Variants in RIMKLB observed in about 807,000 individuals in gnomAD.
The protein encoded by RIMKLB is beta-citrylglutamate synthase B.
Under a neutral mutation model 32.0 loss-of-function variants are expected in RIMKLB, and 7 were observed. The observed-to-expected ratio is 0.22, with a 90% CI of 0.12 to 0.41. RIMKLB has a LOEUF of 0.41. Among genes scored for constraint, RIMKLB ranks in the 10% least tolerant of loss-of-function variants. RIMKLB has a pLI of 1.00. For synonymous variants in RIMKLB, 172 were observed against 185.1 expected (o/e 0.93, Z 0.57); for missense variants, 289 against 498.7 (o/e 0.58, Z 4.00).
At chr12:8,709,679 T>C (rs1443482390) in intron 1 of RIMKLB, among the ~76,000 whole-genome samples, 1 of 151,198 alleles carries the variant, frequency 6.6e-6, no homozygotes, top group Non-Finnish European at 1.5e-5. Flanking sequence ...GGTTTCACTT[T>C]CCCTGGTTTC....
intron 1 of RIMKLB, among the ~76,000 whole-genome samples, chr12:8,711,988 A>G (rs1213768395): frequency 6.6e-6 from 1 of 152,194 alleles, no homozygotes; most frequent in Non-Finnish European, 1.5e-5. Flanking sequence ...TACCTTTCCC[A>G]TACTGTGGTT....
intron 5 of RIMKLB, among the ~76,000 whole-genome samples, chr12:8,767,374 C>T (rs760952167): frequency 6.6e-6 from 1 of 151,864 alleles, no homozygotes; most frequent in Admixed American, 6.5e-5. Flanking sequence ...GGACAAGACT[C>T]TCTGGCTTCG....
At chr12:8,699,577 C>T (rs1271234717) in intron 1 of RIMKLB, among the ~76,000 whole-genome samples, 1 of 152,036 alleles carries the variant, frequency 6.6e-6, no homozygotes, top group Non-Finnish European at 1.5e-5. Flanking sequence ...CCAATGGTTA[C>T]TGTTTTATTT....
chr12:8,754,415 T>TG (rs1485482334), intron 5 of RIMKLB, among the ~76,000 whole-genome samples: 1 of 152,236 alleles, frequency 6.6e-6, no homozygotes, highest in Non-Finnish European at 1.5e-5. Context: ...TGTATATAAT[T>TG]GGAGTTCCTA....
At chr12:8,669,330 C>A in the RIMKLB span, among the ~76,000 whole-genome samples, 27 of 152,236 alleles carry the variant, frequency 1.8e-4, 1 homozygote, top group East Asian at 4.8e-3. Context: ...AGGGATCTCA[C>A]CCCATGATCC....
the RIMKLB span, among the ~76,000 whole-genome samples, chr12:8,672,578 T>C: frequency 6.6e-6 from 1 of 151,882 alleles, no homozygotes; most frequent in Non-Finnish European, 1.5e-5. Context: ...ACTTAATCAC[T>C]ACCACGAGAA....
intron 5 of RIMKLB, among the ~76,000 whole-genome samples, chr12:8,766,147 A>G (rs752401283): frequency 6.6e-5 from 10 of 152,104 alleles, no homozygotes; most frequent in Non-Finnish European, 1.5e-4. Context: ...CAGCACCCCA[A>G]ATCATTTTCT....
intron 5 of RIMKLB, among the ~76,000 whole-genome samples, chr12:8,772,130 C>G (rs1236101568): frequency 6.6e-6 from 1 of 152,180 alleles, no homozygotes; most frequent in Non-Finnish European, 1.5e-5. Context: ...CTCAAGTGAT[C>G]CACCTCAGCC....
At chr12:8,695,542 T>C (rs1942861254), upstream of RIMKLB, among the ~76,000 whole-genome samples, 2 of 151,166 alleles carry the variant, frequency 1.3e-5, 1 homozygote, top group South Asian at 4.2e-4. Context: ...ATGATAATGG[T>C]AATGTGTTTA....
chr12:8,777,679 G>A (rs1205190336), downstream of RIMKLB: 2 of 1,288,688 alleles, frequency 1.6e-6, no homozygotes, highest in Non-Finnish European at 2.0e-6. Context: ...GATGATGAGT[G>A]AGAAGTATTG....
In RIMKLB at chr12:8,776,684, T is replaced by C. The variant is rs1950745407; in HGVS notation, c.*2900T>C. On this transcript the variant is annotated 3_prime_UTR_variant, in exon 6 of 6. Coordinates refer to ENST00000535829, the MANE Select transcript of RIMKLB (RefSeq NM_001297776.2). Reference sequence around the variant, plus strand: ...AAAATTTTTAATAGTTTTTTTCTTTTTTGGTGCCTATAATTGATTGGTCAT... The same window carrying C: ...AAAATTTTTAATAGTTTTTTTCTTTCTTGGTGCCTATAATTGATTGGTCAT... 9.1e-6 allele frequency: 9 copies of C among 984,230 alleles called. No homozygotes were observed. Among genetic ancestry groups the C allele is most frequent in the Non-Finnish European group, 9.7e-6 (8 of 828,968 alleles). 61.0% of individuals were successfully genotyped at this position (984,230 alleles called of 1,614,324 possible).
chr12:8,692,312 G>A (rs1942755922), upstream of RIMKLB, among the ~76,000 whole-genome samples: 1 of 152,150 alleles, frequency 6.6e-6, no homozygotes. Flanking sequence ...TTTTACAAAT[G>A]GTTATTTTGG....
chr12:8,754,957 T>C (rs1232741640), intron 5 of RIMKLB, among the ~76,000 whole-genome samples: 1 of 151,964 alleles, frequency 6.6e-6, no homozygotes, highest in African/African-American at 2.4e-5. Flanking sequence ...GCCCGTCTAA[T>C]TATTTTATTT....
intron 2 of RIMKLB, among the ~76,000 whole-genome samples, chr12:8,719,102 T>G (rs1323449806): frequency 6.6e-6 from 1 of 152,134 alleles, no homozygotes; most frequent in Admixed American, 6.5e-5. Context: ...CCACTGACCC[T>G]CTGACTGTCT....
intron 2 of RIMKLB, among the ~76,000 whole-genome samples, chr12:8,746,689 C>CCT (rs1003921970): frequency 1.3e-5 from 2 of 152,034 alleles, no homozygotes; most frequent in Admixed American, 6.6e-5. Context: ...AACCTCACAT[C>CCT]TGCTGATGAC....
chr12:8,741,033 C>T, intron 2 of RIMKLB, among the ~76,000 whole-genome samples: 1 of 152,016 alleles, frequency 6.6e-6, no homozygotes, highest in East Asian at 1.9e-4. Context: ...ATGGTGAAAC[C>T]CCAGCTCTAC....
intron 2 of RIMKLB, among the ~76,000 whole-genome samples, chr12:8,722,220 TAAA>T (rs34755699): frequency 6.8e-6 from 1 of 147,666 alleles, no homozygotes; most frequent in Admixed American, 6.8e-5. Flanking sequence ...CTCACAGAGC[TAAA>T]AAAAAAAAAA....
intron 2 of RIMKLB, among the ~76,000 whole-genome samples, chr12:8,727,154 C>T (rs1298542943): frequency 2.6e-5 from 4 of 152,214 alleles, no homozygotes; most frequent in African/African-American, 7.2e-5. Flanking sequence ...TGTGCCTGCA[C>T]GTGCACACAG....
intron 5 of RIMKLB, among the ~76,000 whole-genome samples, chr12:8,767,638 T>C (rs1027144952): frequency 2.0e-5 from 3 of 152,182 alleles, no homozygotes; most frequent in African/African-American, 7.2e-5. Flanking sequence ...GTCTGCGCCA[T>C]GATCTCAACC....
Sources: allele counts gnomAD v4.1 joint callset (sites outside exome capture counted in the v4.1 genomes callset), GRCh38; gene constraint gnomAD v4.1.1; transcripts MANE v1.5; gene names NCBI Gene and HGNC (gene_info 2026-07-23, HGNC 2026-07-21).